PSMD14: variants seen among roughly 807,000 people sequenced by gnomAD.
PSMD14 encodes ubiquitin C-terminal hydrolase PSMD14.
A neutral mutation model predicts 41.2 loss-of-function variants in PSMD14; 7 were observed. That is an observed-to-expected ratio of 0.17 (90% confidence interval 0.10 to 0.32). PSMD14 has a LOEUF of 0.32. Among genes scored for constraint, PSMD14 ranks in the 10% least tolerant of loss-of-function variants. The probability of loss-of-function intolerance (pLI) is 1.00; values close to 1 mark genes in which losing one functional copy is unlikely to be tolerated. For synonymous variants in PSMD14, 114 were observed against 122.3 expected (o/e 0.93, Z 0.45); for missense variants, 139 against 375.6 (o/e 0.37, Z 5.21).
At chr2:161,341,274 A>G (rs1351153122) in intron 3 of PSMD14, 13 of 1,016,586 alleles carry the variant, frequency 1.3e-5, no homozygotes, top group African/African-American at 5.3e-5. Context: ...CAGAAGGGCC[A>G]GCGCGGTGGC....
chr2:161,367,378 A>G, intron 3 of PSMD14, 100 bp from the exon 4 acceptor site: 1 of 989,962 alleles, frequency 1.0e-6, no homozygotes, highest in Non-Finnish European at 1.5e-6. Flanking sequence ...TGTTTTGCAA[A>G]ACTATTTTAA....
In PSMD14 at chr2:161,318,692, G is replaced by A. The variant is rs1050402572; in HGVS notation, c.-4-130G>A. ...AATATGTGGTGTTAATTAACAGGAA[G>A]TCTGATGTTGTGTTGTAATTACCAC... On this transcript the variant is annotated intron_variant, in intron 2 of 11. Coordinates refer to ENST00000409682, the MANE Select transcript of PSMD14 (RefSeq NM_005805.6). The A allele has an allele frequency of 6.0e-5, 41 of 684,538 alleles. No individual in the cohort carries two copies. The African/African-American group carries it at 6.2e-4, about 10-fold the overall frequency. The allele number at this position is 684,538 out of a possible 1,614,324, so 42.4% of individuals were successfully genotyped here. A position where few individuals can be genotyped will look rare whatever the true frequency, so the allele number is the denominator to read the frequency against.
intron 7 of PSMD14, among the ~76,000 whole-genome samples, chr2:161,372,251 A>G (rs1385064793): frequency 6.6e-6 from 1 of 152,118 alleles, no homozygotes; most frequent in Non-Finnish European, 1.5e-5. Flanking sequence ...CAATATATTT[A>G]TGCAATCCTT....
chr2:161,317,301 A>T (rs1469542451), intron 2 of PSMD14, among the ~76,000 whole-genome samples: 1 of 152,156 alleles, frequency 6.6e-6, no homozygotes, highest in Non-Finnish European at 1.5e-5. Context: ...GTTTTCTTAT[A>T]TGCCTTTTCA....
At chr2:161,370,063 C>A in intron 5 of PSMD14, 44 bp from the exon 6 acceptor site, 1 of 1,435,650 alleles carries the variant, frequency 7.0e-7, no homozygotes. Flanking sequence ...AGCTTTTTTT[C>A]CAAATTTACA....
rs368236523 is a variant in PSMD14 at position 161,395,252 on chromosome 2, T to C, written c.771+49T>C. 5.7e-6 allele frequency: 8 copies of C among 1,414,468 alleles called. No homozygotes were observed. The African/African-American group carries it at 1.2e-4, about 21-fold the overall frequency. 87.6% of individuals were successfully genotyped at this position (1,414,468 alleles called of 1,614,324 possible). A position where few individuals can be genotyped will look rare whatever the true frequency, so the allele number is the denominator to read the frequency against. ...TTCTTTATAATCTTTGGAATATGTA[T>C]GATTAGATGCCAAGCATTGTGTAAG... On this transcript the variant is annotated intron_variant, in intron 10 of 11. Transcript: ENST00000409682.
chr2:161,373,869 T>C (rs1445842815), intron 7 of PSMD14, among the ~76,000 whole-genome samples: 1 of 151,982 alleles, frequency 6.6e-6, no homozygotes, highest in Non-Finnish European at 1.5e-5. Flanking sequence ...CTTGATTATA[T>C]TTTTATTGAA....
At position 161,401,373 on chromosome 2, in the gene PSMD14, C is replaced by A. The variant is rs115428242; in HGVS notation, c.771+6170C>A. Among the ~76,000 whole-genome samples, 787 of 152,268 alleles carry A rather than the reference C, an allele frequency of 5.2e-3. 4 individuals are homozygous for A. The highest frequency in any genetic ancestry group is 8.4e-3 in the Non-Finnish European group (572 of 68,026). ...CCTGTGACGGGTTAGCACCCATAAC[C>A]CTCATCCCCATTTGTTCAAGGGTCA... On this transcript the variant is annotated intron_variant, in intron 10 of 11. Coordinates refer to ENST00000409682, the MANE Select transcript of PSMD14 (RefSeq NM_005805.6).
rs1230904901 is a variant in PSMD14, at chr2:161,363,574, T to C, written c.49-3904T>C. Among the ~76,000 whole-genome samples the C allele has an allele frequency of 2.6e-5, 4 of 152,336 alleles. No homozygotes were observed. In the East Asian group the frequency reaches 7.7e-4, roughly 29 times the overall value. Reference sequence around the variant, plus strand: ...TTCATGATTCCTATATTTAGGTGACTTTCTTTTTGAATCACCAGAATACTG... The same window carrying C: ...TTCATGATTCCTATATTTAGGTGACCTTCTTTTTGAATCACCAGAATACTG... On this transcript the variant is annotated intron_variant, in intron 3 of 11. Coordinates refer to ENST00000409682, the MANE Select transcript of PSMD14 (RefSeq NM_005805.6).
intron 3 of PSMD14, among the ~76,000 whole-genome samples, chr2:161,327,621 A>G (rs946105239): frequency 6.6e-6 from 1 of 152,098 alleles, no homozygotes; most frequent in African/African-American, 2.4e-5. Context: ...ACCTCAAGAC[A>G]ATATTACTAA....
intron 3 of PSMD14, among the ~76,000 whole-genome samples, chr2:161,364,427 A>C (rs1190817693): frequency 3.3e-5 from 5 of 152,086 alleles, no homozygotes; most frequent in Non-Finnish European, 7.4e-5. Context: ...GAGGAAAACA[A>C]AAATACCTTC....
chr2:161,398,749 G>A (rs1683837026), intron 10 of PSMD14, among the ~76,000 whole-genome samples: 1 of 151,850 alleles, frequency 6.6e-6, no homozygotes, highest in Non-Finnish European at 1.5e-5. Context: ...GAAAGTTTCA[G>A]TATTTCTTTT....
At chr2:161,325,563 ACT>A (rs1308053443) in intron 3 of PSMD14, among the ~76,000 whole-genome samples, 1 of 152,146 alleles carries the variant, frequency 6.6e-6, no homozygotes, top group Non-Finnish European at 1.5e-5. Flanking sequence ...ATGGATGAGG[ACT>A]CTATATCACC....
intron 10 of PSMD14, among the ~76,000 whole-genome samples, chr2:161,395,420 A>C (rs1208553749): frequency 2.6e-5 from 4 of 152,194 alleles, no homozygotes; most frequent in African/African-American, 9.7e-5. Flanking sequence ...TGTGTTTGGG[A>C]TCTATTAAAA....
At chr2:161,396,787 G>A (rs1359719717) in intron 10 of PSMD14, among the ~76,000 whole-genome samples, 4 of 152,064 alleles carry the variant, frequency 2.6e-5, no homozygotes, top group African/African-American at 9.7e-5. Context: ...ATAGCACTTG[G>A]GATGTCAGGA....
At chr2:161,312,850 C>T (rs1689105432) in intron 1 of PSMD14, among the ~76,000 whole-genome samples, 1 of 152,186 alleles carries the variant, frequency 6.6e-6, no homozygotes, top group African/African-American at 2.4e-5. Context: ...ATGCAAGTCC[C>T]TATCTCCAGT....
chr2:161,363,635 A>G (rs1683321093), intron 3 of PSMD14, among the ~76,000 whole-genome samples: 1 of 152,232 alleles, frequency 6.6e-6, no homozygotes. Context: ...TAATGTATGT[A>G]GATGGTCCAC....
Position 161,360,174 on chromosome 2 carries a change from C to CAT in PSMD14, c.49-7295_49-7294dup, listed in dbSNP as rs540491382. On this transcript the variant is annotated intron_variant, in intron 3 of 11. Transcript: ENST00000409682. ...TAAACAGCTTTTTTCCACCCCGTAACATATATATATGCATGTATTTTTTTT... is the reference window on the plus strand; with the variant it reads ...TAAACAGCTTTTTTCCACCCCGTAACATATATATATATGCATGTATTTTTTTT... Among the ~76,000 whole-genome samples the CAT allele has an allele frequency of 1.4e-4, 21 of 149,618 alleles. No individual in the cohort carries two copies. In the East Asian group the frequency reaches 2.0e-3, roughly 14 times the overall value.
At position 161,411,202 on chromosome 2, in the gene PSMD14, G is replaced by C. The variant is rs188402364; in HGVS notation, c.835-100G>C. ...TTGTAAAATATTTAAGTAAGGTCTG[G>C]CTTTCTTTACTAGTTTCATCAGCTA... On this transcript the variant is annotated intron_variant, in intron 11 of 11. Coordinates refer to ENST00000409682, the MANE Select transcript of PSMD14 (RefSeq NM_005805.6). 61 of 605,176 alleles carry C rather than the reference G, an allele frequency of 1.0e-4. No homozygotes were observed. In the East Asian group the frequency reaches 1.7e-3, roughly 17 times the overall value. The allele number at this position is 605,176 out of a possible 1,614,324, so 37.5% of individuals were successfully genotyped here. A position where few individuals can be genotyped will look rare whatever the true frequency, so the allele number is the denominator to read the frequency against.
Sources: allele counts gnomAD v4.1 joint callset (sites outside exome capture counted in the v4.1 genomes callset), GRCh38; gene constraint gnomAD v4.1.1; transcripts MANE v1.5; gene names NCBI Gene and HGNC (gene_info 2026-07-23, HGNC 2026-07-21).